The following ATP5ME variants were observed in gnomAD, a reference collection of about 807,000 sequenced individuals.
ATP5ME encodes the protein ATP synthase membrane subunit e, also known as ATP synthase F(0) complex subunit e, mitochondrial.
In ATP5ME, 10 loss-of-function variants were observed where a neutral mutation model predicts 11.6. The observed-to-expected ratio is 0.86, with a 90% CI of 0.53 to 1.46. The LOEUF (loss-of-function observed/expected upper bound fraction) is 1.46. Ranked by LOEUF, ATP5ME falls within the 40% of genes most tolerant of loss-of-function variation. ATP5ME has a pLI of 0.00. For missense variants in ATP5ME, 115 were observed against 85.4 expected, an observed-to-expected ratio of 1.35 and a Z score of -1.37; for synonymous variants, 45 against 33.5, an observed-to-expected ratio of 1.34 and a Z score of -1.19.
Position 673,287 on chromosome 4 carries a change from C to G in ATP5ME, c.190+16G>C, listed in dbSNP as rs80010815. 82,166 of 1,614,112 alleles carry G rather than the reference C, an allele frequency of 0.051. 2,282 individuals are homozygous for G. The highest frequency in any genetic ancestry group is 0.058 in the Non-Finnish European group (67,982 of 1,179,948). ...ACCTGGGAGGGACAATCTATAAGAGCCAGTGTCACTCGTACCTTCTGCCAA... is the reference window on the plus strand; with the variant it reads ...ACCTGGGAGGGACAATCTATAAGAGGCAGTGTCACTCGTACCTTCTGCCAA... On this transcript the variant is annotated intron_variant, in intron 3 of 3. Transcript: ENST00000304312.
intron 3 of ATP5ME, among the ~76,000 whole-genome samples, chr4:672,730 T>G (rs148630403): frequency 2.6e-5 from 4 of 152,240 alleles, no homozygotes; most frequent in Non-Finnish European, 5.9e-5. Context: ...TAGCTGGGAT[T>G]ACATGCACCC....
intron 2 of ATP5ME, chr4:673,707 T>C: frequency 1.2e-6 from 1 of 849,804 alleles, no homozygotes; most frequent in Non-Finnish European, 1.8e-6. Flanking sequence ...GAAGCAGCCG[T>C]TTTCGAGTCC....
intron 2 of ATP5ME, 142 bp from the exon 3 acceptor site, chr4:673,543 G>A (rs1738633822): frequency 1.4e-6 from 2 of 1,426,966 alleles, no homozygotes; most frequent in Non-Finnish European, 9.4e-7. Flanking sequence ...GCGAGTCAAC[G>A]CCTGACCTTC....
Position 673,920 on chromosome 4 carries a change from G to C in ATP5ME, c.83C>G (p.Thr28Arg), listed in dbSNP as rs893729310. The C allele has an allele frequency of 5.0e-5, 77 of 1,546,180 alleles. No homozygotes were observed. The highest frequency in any genetic ancestry group is 6.6e-5 in the Non-Finnish European group (76 of 1,146,858). The change falls in exon 2 of 4, where the codon ACG becomes AGG. Residue 28 changes from threonine to arginine, a missense_variant. Coordinates refer to ENST00000304312, the MANE Select transcript of ATP5ME (RefSeq NM_007100.4). ...CGCCCGCGGTCACTCACTGTAGCGCGTGGCTCCGTAGGCCACACCGAGGAA... is the reference window on the plus strand; with the variant it reads ...CGCCCGCGGTCACTCACTGTAGCGCCTGGCTCCGTAGGCCACACCGAGGAA... ...ALFLGVAYGA[T>R]RYNYLKPRAE...
chr4:673,464 C>A (rs943009816), intron 2 of ATP5ME, 63 bp from the exon 3 acceptor site: 51 of 1,611,368 alleles, frequency 3.2e-5, no homozygotes, highest in Non-Finnish European at 4.1e-5. Context: ...GAACTGAGTC[C>A]ACAGGTCAAG....
chr4:673,972 A>G lies in ATP5ME; in HGVS notation c.37-6T>C. The G allele has an allele frequency of 6.5e-7, 1 of 1,544,576 alleles. No individual in the cohort carries two copies. Among genetic ancestry groups the G allele is most frequent in the Non-Finnish European group, 8.7e-7 (1 of 1,146,708 alleles). ...AGGGCGGAGTAGCGGCCGAGCTGCGAAAGAGGTTGGTCAGAGGCGGCGCGA... is the reference window on the plus strand; with the variant it reads ...AGGGCGGAGTAGCGGCCGAGCTGCGGAAGAGGTTGGTCAGAGGCGGCGCGA... On this transcript the variant is annotated splice_polypyrimidine_tract_variant and splice_region_variant and intron_variant, in intron 1 of 3. Coordinates refer to ENST00000304312, the MANE Select transcript of ATP5ME (RefSeq NM_007100.4).
In ATP5ME at chr4:673,402, C is replaced by T. The variant is rs112862871; in HGVS notation, c.92-1G>A. The T allele has an allele frequency of 6.2e-7, 1 of 1,614,140 alleles. No individual in the cohort carries two copies. Among genetic ancestry groups the T allele is most frequent in the Non-Finnish European group, 8.5e-7 (1 of 1,180,006 alleles). ...TCTTCTGCCCGAGGTTTTAGGTAATCTGTTTGGCGGAATGCAGGAGAATAA... is the reference window on the plus strand; with the variant it reads ...TCTTCTGCCCGAGGTTTTAGGTAATTTGTTTGGCGGAATGCAGGAGAATAA... On this transcript the variant is annotated splice_acceptor_variant, in intron 2 of 3. Coordinates refer to ENST00000304312, the MANE Select transcript of ATP5ME (RefSeq NM_007100.4). LOFTEE classifies it high-confidence loss of function.
intron 2 of ATP5ME, 67 bp downstream of exon 2, chr4:673,845 A>G: frequency 6.5e-7 from 1 of 1,533,596 alleles, no homozygotes; most frequent in Non-Finnish European, 8.8e-7. Flanking sequence ...GGAGTTCTCC[A>G]AATAGCACAG....
intron 2 of ATP5ME, 160 bp downstream of exon 2, chr4:673,746 TGGGTGA>T: frequency 2.8e-6 from 3 of 1,078,328 alleles, no homozygotes; most frequent in Non-Finnish European, 4.1e-6. Context: ...GCCTGAGCTT[TGGGTGA>T]GCTGATTCCA....
chr4:674,019 G>A (rs1402263063), intron 1 of ATP5ME, 53 bp from the exon 2 acceptor site: 2 of 1,531,604 alleles, frequency 1.3e-6, no homozygotes, highest in South Asian at 1.2e-5. Context: ...CGGGACGGGG[G>A]TCGCGGGAGG....
chr4:672,616 T>G lies in ATP5ME; in HGVS notation c.191-97A>C, dbSNP rs568591122. The G allele has an allele frequency of 9.4e-5, 119 of 1,267,254 alleles. 1 individual carries two copies. In the African/African-American group the frequency reaches 1.5e-3, roughly 16 times the overall value. The allele number at this position is 1,267,254 out of a possible 1,614,324, so 78.5% of individuals were successfully genotyped here. A position where few individuals can be genotyped will look rare whatever the true frequency, so the allele number is the denominator to read the frequency against. The stretch of plus-strand genomic sequence containing the variant: ...CAGTTATTTTTTTTTTTTTTTTTTT[T>G]GTTTTGAGACGGAGTCTCGCTCTGT... On this transcript the variant is annotated intron_variant, in intron 3 of 3. Transcript: ENST00000304312.
chr4:673,980 T>C lies in ATP5ME; in HGVS notation c.37-14A>G, dbSNP rs1415090335. On this transcript the variant is annotated splice_polypyrimidine_tract_variant and intron_variant, in intron 1 of 3. Coordinates refer to ENST00000304312, the MANE Select transcript of ATP5ME (RefSeq NM_007100.4). ...GTAGCGGCCGAGCTGCGAAAGAGGT[T>C]GGTCAGAGGCGGCGCGAAACGGGGC... The C allele has an allele frequency of 1.9e-6, 3 of 1,542,926 alleles. No homozygotes were observed. Among genetic ancestry groups the C allele is most frequent in the Admixed American group, 2.0e-5 (1 of 50,912 alleles).
chr4:673,844 CA>C, intron 2 of ATP5ME, 67 bp downstream of exon 2: 7 of 1,533,748 alleles, frequency 4.6e-6, no homozygotes, highest in Non-Finnish European at 6.1e-6. Flanking sequence ...TGGAGTTCTC[CA>C]AATAGCACAG....
At chr4:673,601 C>A in intron 2 of ATP5ME, 200 bp from the exon 3 acceptor site, 1 of 917,356 alleles carries the variant, frequency 1.1e-6, no homozygotes. Flanking sequence ...GCTGCCCACC[C>A]GCTCACGCAC....
chr4:674,056 G>A (rs1027298109), intron 1 of ATP5ME, 90 bp from the exon 2 acceptor site: 13 of 1,489,546 alleles, frequency 8.7e-6, no homozygotes, highest in African/African-American at 8.4e-5. Flanking sequence ...CTGGGCAGAG[G>A]TCGCAGGAGG....
chr4:674,025 G>C (rs996112479), intron 1 of ATP5ME, 59 bp from the exon 2 acceptor site: 14 of 1,529,384 alleles, frequency 9.2e-6, no homozygotes, highest in Non-Finnish European at 1.1e-5. Flanking sequence ...GGGGGTCGCG[G>C]GAGGAGGGGG....
Position 673,290 on chromosome 4 carries a change from G to T in ATP5ME, c.190+13C>A. The stretch of plus-strand genomic sequence containing the variant: ...TGGGAGGGACAATCTATAAGAGCCA[G>T]TGTCACTCGTACCTTCTGCCAATTC... On this transcript the variant is annotated intron_variant, in intron 3 of 3. Coordinates refer to ENST00000304312, the MANE Select transcript of ATP5ME (RefSeq NM_007100.4). The T allele has an allele frequency of 6.2e-7, 1 of 1,614,186 alleles. No individual in the cohort carries two copies. Among genetic ancestry groups the T allele is most frequent in the Non-Finnish European group, 8.5e-7 (1 of 1,180,008 alleles).
intron 2 of ATP5ME, chr4:673,710 T>G (rs893665971): frequency 2.2e-5 from 19 of 861,488 alleles, no homozygotes; most frequent in Middle Eastern, 3.3e-4. Flanking sequence ...GCAGCCGTTT[T>G]CGAGTCCCCC....
At chr4:674,069 T>TG in intron 1 of ATP5ME, 103 bp from the exon 2 acceptor site, 1 of 569,226 alleles carries the variant, frequency 1.8e-6, no homozygotes, top group Non-Finnish European at 2.2e-6. Context: ...GCAGGAGGGG[T>TG]GGGGGTCCGG....
Sources: gnomAD v4.1 joint callset for allele counts (sites outside exome capture counted in the v4.1 genomes callset) on GRCh38, gnomAD v4.1.1 for gene constraint, MANE v1.5 for transcripts, NCBI Gene and HGNC (gene_info 2026-07-23, HGNC 2026-07-21) for gene names.